Variants in ENOSF1 observed in about 807,000 individuals in gnomAD.
ENOSF1 encodes enolase superfamily member 1.
ENOSF1 carries 73 observed loss-of-function variants against 68.2 expected under a neutral mutation model. That is an observed-to-expected ratio of 1.07 (90% CI 0.89 to 1.30). The LOEUF (loss-of-function observed/expected upper bound fraction) is 1.30. Among genes scored for constraint, ENOSF1 ranks in the 50% most tolerant of loss-of-function variants. The pLI, the probability that ENOSF1 is intolerant of heterozygous loss-of-function variation, is 0.00. For missense variants in ENOSF1, 589 were observed against 554.5 expected, an observed-to-expected ratio of 1.06 and a Z score of -0.62; for synonymous variants, 223 against 210.4, an observed-to-expected ratio of 1.06 and a Z score of -0.52.
At chr18:670,064 GAC>G (rs1567993312), downstream of ENOSF1, among the ~76,000 whole-genome samples, 1 of 140,064 alleles carries the variant, frequency 7.1e-6, no homozygotes, top group African/African-American at 2.7e-5. Flanking sequence ...TTTTTTTTGA[GAC>G]ACAGTCTCAC....
rs2075128159 is a variant in ENOSF1 at position 672,787 on chromosome 18, T to A, written c.*1518A>T. On this transcript the variant is annotated 3_prime_UTR_variant, in exon 16 of 16. Coordinates refer to ENST00000647584, the MANE Select transcript of ENOSF1 (RefSeq NM_017512.7). ...TTGTTGATCACATCCTGTGTACTTG[T>A]TTCACGGACATGAGGAGCAATTACA... The A allele has an allele frequency of 1.2e-5, 18 of 1,472,808 alleles. No individual in the cohort carries two copies. The highest frequency in any genetic ancestry group is 1.7e-5 in the Non-Finnish European group (18 of 1,086,402). The allele number at this position is 1,472,808 out of a possible 1,614,324, so 91.2% of individuals were successfully genotyped here.
At chr18:705,948 G>A (rs1364510689) in intron 2 of ENOSF1, among the ~76,000 whole-genome samples, 1 of 152,144 alleles carries the variant, frequency 6.6e-6, no homozygotes, top group Non-Finnish European at 1.5e-5. Flanking sequence ...GGCAGAGGTT[G>A]CAGTGAGCTG....
At chr18:694,382 G>T (rs753840890) in intron 3 of ENOSF1, 48 bp from the exon 4 acceptor site, 1 of 1,573,380 alleles carries the variant, frequency 6.4e-7, no homozygotes, top group Admixed American at 1.7e-5. Context: ...ATGAAAAAGA[G>T]GGCTGGGTGT....
downstream of ENOSF1, among the ~76,000 whole-genome samples, chr18:668,245 A>T (rs909056742): frequency 6.7e-6 from 1 of 148,458 alleles, no homozygotes; most frequent in Admixed American, 6.7e-5. Context: ...AAAATCTTTG[A>T]TGTTACCTTT....
At chr18:667,456 AT>A (rs1567990664), downstream of ENOSF1, among the ~76,000 whole-genome samples, 3 of 1,152 alleles carry the variant, frequency 2.6e-3, 1 homozygote, top group Admixed American at 0.011. Context: ...GGTGATGGTG[AT>A]GATGGAGATG....
chr18:701,756 C>CA (rs71174274), intron 2 of ENOSF1, among the ~76,000 whole-genome samples: 3,790 of 136,896 alleles, frequency 0.028, 73 homozygotes, highest in Non-Finnish European at 0.043. Flanking sequence ...GACTCCATCT[C>CA]AAAAAAAAAA....
intron 9 of ENOSF1, 37 bp downstream of exon 9, chr18:688,537 C>A (rs199981269): frequency 1.2e-6 from 2 of 1,613,798 alleles, no homozygotes; most frequent in African/African-American, 1.3e-5. Flanking sequence ...TCTCTCCTGC[C>A]GCCAACTGGG....
rs538088633 is a variant in ENOSF1, at chr18:690,617, C to A, written c.550G>T (p.Ala184Ser). 24 of 1,613,236 alleles carry A rather than the reference C, an allele frequency of 1.5e-5. 2 individuals are homozygous for A. The South Asian group carries it at 2.6e-4, about 18-fold the overall frequency. ...GKKEREKQMLAQGYPAYTTSC... is the reference protein window; with the variant it reads ...GKKEREKQMLSQGYPAYTTSC... ...GTCGTGTAAGCAGGGTATCCTTGTG[C>A]CAGCATTTGCTTCTCTGTGAAAACA... Residue 184 changes from alanine to serine, a missense_variant, in exon 8 of 16, where the codon GCA (alanine) becomes TCA (serine). Coordinates refer to ENST00000647584, the MANE Select transcript of ENOSF1 (RefSeq NM_017512.7).
chr18:701,430 A>T (rs972308969), intron 2 of ENOSF1, among the ~76,000 whole-genome samples: 2 of 151,514 alleles, frequency 1.3e-5, no homozygotes, highest in African/African-American at 4.9e-5. Flanking sequence ...TTTGCTGTGA[A>T]CCTAAAACTA....
At chr18:687,897 T>C (rs1310648170) in intron 9 of ENOSF1, 1 of 152,508 alleles carries the variant, frequency 6.6e-6, no homozygotes, top group East Asian at 1.9e-4. Flanking sequence ...CTGGGTGCAG[T>C]GGCTCACGCC....
At chr18:704,946 G>A (rs2078773353) in intron 2 of ENOSF1, among the ~76,000 whole-genome samples, 1 of 91,054 alleles carries the variant, frequency 1.1e-5, no homozygotes, top group Non-Finnish European at 2.1e-5. Flanking sequence ...CCTGATACAT[G>A]GCAGCACTCA....
chr18:697,919 G>T (rs1285542787), intron 2 of ENOSF1, among the ~76,000 whole-genome samples: 1 of 152,026 alleles, frequency 6.6e-6, no homozygotes, highest in Non-Finnish European at 1.5e-5. Context: ...TCAGCTTCTC[G>T]AGAAGCTAGG....
Position 672,352 on chromosome 18 carries a change from C to T in ENOSF1, c.*1953G>A, listed in dbSNP as rs1463061897. The stretch of plus-strand genomic sequence containing the variant: ...CTTCAGGCTTATTCTCTCTGGCTCT[C>T]TGCTCTGGTCGTTTTTAGACATAGT... On this transcript the variant is annotated 3_prime_UTR_variant, in exon 16 of 16. Coordinates refer to ENST00000647584, the MANE Select transcript of ENOSF1 (RefSeq NM_017512.7). 6.6e-6 allele frequency: 1 copy of T among 152,378 alleles called. No individual in the cohort carries two copies. The highest frequency in any genetic ancestry group is 2.4e-5 in the African/African-American group (1 of 41,456). The allele number at this position is 152,378 out of a possible 1,614,324, so 9.4% of individuals were successfully genotyped here.
At chr18:692,880 CGGA>C (rs1456698982) in intron 5 of ENOSF1, 37 of 1,104,642 alleles carry the variant, frequency 3.3e-5, no homozygotes, top group South Asian at 6.8e-5. Context: ...CACTTTCCTC[CGGA>C]GGAGGAGCAG....
At chr18:674,744 A>G (rs543163937) in intron 15 of ENOSF1, among the ~76,000 whole-genome samples, 2 of 151,954 alleles carry the variant, frequency 1.3e-5, no homozygotes, top group Admixed American at 6.6e-5. Context: ...GGTCTCAAAC[A>G]CCTGACCTCA....
At chr18:666,963 A>ATGGT (rs2074840641), downstream of ENOSF1, among the ~76,000 whole-genome samples, 8 of 15,912 alleles carry the variant, frequency 5.0e-4, no homozygotes, top group East Asian at 2.7e-3. Context: ...ATGGAGATGG[A>ATGGT]GATGGTGATG....
chr18:692,497 A>T, intron 5 of ENOSF1: 1 of 167,068 alleles, frequency 6.0e-6, no homozygotes, highest in Non-Finnish European at 1.2e-5. Flanking sequence ...AATCCCAGCT[A>T]CTCAGGAGGC....
At chr18:686,945 G>A (rs537081374) in intron 9 of ENOSF1, 1 of 152,378 alleles carries the variant, frequency 6.6e-6, no homozygotes, top group South Asian at 2.1e-4. Context: ...TTAGGCTCTG[G>A]GTGCCAGGCT....
chr18:670,903 C>T lies in ENOSF1; in HGVS notation c.*3402G>A. The T allele has an allele frequency of 3.1e-6, 5 of 1,607,506 alleles. No individual in the cohort carries two copies. Among genetic ancestry groups the T allele is most frequent in the Non-Finnish European group, 4.3e-6 (5 of 1,176,092 alleles). On this transcript the variant is annotated 3_prime_UTR_variant, in exon 16 of 16. Transcript: ENST00000647584. ...TCGGGAAGGGTGACTTGCCAGCCTA[C>T]CACACTGAGCTCTTCAGTTCTTTAA...
Sources: gnomAD v4.1 joint callset for allele counts (sites outside exome capture counted in the v4.1 genomes callset) on GRCh38, gnomAD v4.1.1 for gene constraint, MANE v1.5 for transcripts, NCBI Gene and HGNC (gene_info 2026-07-23, HGNC 2026-07-21) for gene names.